Variants in NFIB observed in about 807,000 individuals in gnomAD.
NFIB encodes the protein nuclear factor 1 B-type.
NFIB carries 11 observed loss-of-function variants against 61.5 expected under a neutral mutation model. That is an observed-to-expected ratio of 0.18 (90% CI 0.11 to 0.30). The LOEUF (loss-of-function observed/expected upper bound fraction) is 0.30, where lower values mean the gene tolerates loss of function less well. Among genes scored for constraint, NFIB ranks in the 10% least tolerant of loss-of-function variants. The probability of loss-of-function intolerance (pLI) is 1.00; values close to 1 mark genes in which losing one functional copy is unlikely to be tolerated. For synonymous variants in NFIB, 260 were observed against 216.5 expected, an observed-to-expected ratio of 1.20 and a Z score of -1.76; for missense variants, 471 against 608.9, an observed-to-expected ratio of 0.77 and a Z score of 2.38.
the NFIB span, among the ~76,000 whole-genome samples, chr9:14,490,378 G>A: frequency 6.6e-6 from 1 of 152,134 alleles, no homozygotes; most frequent in Non-Finnish European, 1.5e-5. Flanking sequence ...GAAAATATGG[G>A]AAAATATCTT....
At chr9:14,297,183 T>C (rs2059494833) in intron 2 of NFIB, among the ~76,000 whole-genome samples, 1 of 152,244 alleles carries the variant, frequency 6.6e-6, no homozygotes, top group South Asian at 2.1e-4. Context: ...TCCTCTGGGC[T>C]GGCTGCTGTT....
the NFIB span, among the ~76,000 whole-genome samples, chr9:14,516,372 G>T: frequency 6.6e-6 from 1 of 152,168 alleles, no homozygotes; most frequent in Non-Finnish European, 1.5e-5. Context: ...AGATTCAGGA[G>T]TTTAATTCTG....
chr9:14,484,816 A>G, the NFIB span, among the ~76,000 whole-genome samples: 9 of 152,240 alleles, frequency 5.9e-5, no homozygotes, highest in Non-Finnish European at 1.0e-4. Flanking sequence ...AGGCTGTATT[A>G]GACAGCTCAA....
chr9:14,322,625 G>T (rs1034910050), intron 1 of NFIB, among the ~76,000 whole-genome samples: 1 of 151,988 alleles, frequency 6.6e-6, no homozygotes, highest in African/African-American at 2.4e-5. Flanking sequence ...CGGGAAGCGC[G>T]GCTCTTCGCT....
At chr9:14,459,926 T>C in the NFIB span, among the ~76,000 whole-genome samples, 3 of 151,912 alleles carry the variant, frequency 2.0e-5, no homozygotes, top group Non-Finnish European at 4.4e-5. Context: ...GGGGGGACTG[T>C]AGACTAGTTC....
At chr9:14,435,118 A>G in the NFIB span, among the ~76,000 whole-genome samples, 1 of 152,192 alleles carries the variant, frequency 6.6e-6, no homozygotes, top group African/African-American at 2.4e-5. Flanking sequence ...TCTTGCTTGG[A>G]GTTCCTGCTC....
the NFIB span, among the ~76,000 whole-genome samples, chr9:14,522,461 T>G: frequency 2.6e-5 from 4 of 152,182 alleles, no homozygotes; most frequent in Admixed American, 2.0e-4. Flanking sequence ...ATTTCTTCTA[T>G]GTATGGATAA....
At chr9:14,444,548 C>G in the NFIB span, among the ~76,000 whole-genome samples, 1 of 152,242 alleles carries the variant, frequency 6.6e-6, no homozygotes, top group South Asian at 2.1e-4. Flanking sequence ...GTTACTTATA[C>G]TCATGCCAGA....
the NFIB span, among the ~76,000 whole-genome samples, chr9:14,459,703 C>T: frequency 3.1e-4 from 47 of 152,172 alleles, 1 homozygote; most frequent in African/African-American, 1.0e-3. Flanking sequence ...AAAAAGCGGG[C>T]GAAGGATATG....
chr9:14,295,019 G>GT (rs553391752), intron 2 of NFIB, among the ~76,000 whole-genome samples: 21 of 152,180 alleles, frequency 1.4e-4, no homozygotes, highest in Non-Finnish European at 2.6e-4. Flanking sequence ...TCACAGTTTC[G>GT]TAAGAAGTAA....
chr9:14,447,042 A>G, the NFIB span, among the ~76,000 whole-genome samples: 1 of 152,178 alleles, frequency 6.6e-6, no homozygotes, highest in Non-Finnish European at 1.5e-5. Flanking sequence ...GAATAAACCA[A>G]CACAGAAATT....
chr9:14,103,103 A>C (rs1311827294), intron 10 of NFIB, among the ~76,000 whole-genome samples: 2 of 152,194 alleles, frequency 1.3e-5, no homozygotes, highest in African/African-American at 2.4e-5. Context: ...GTTTTATTTT[A>C]AACTCAGAGT....
the NFIB span, among the ~76,000 whole-genome samples, chr9:14,423,203 A>G: frequency 6.6e-6 from 1 of 152,232 alleles, no homozygotes; most frequent in South Asian, 2.1e-4. Context: ...TAGTAATCAG[A>G]TCGGGGCAAA....
At chr9:14,391,115 T>C (rs2061614257) in intron 1 of NFIB, among the ~76,000 whole-genome samples, 1 of 152,196 alleles carries the variant, frequency 6.6e-6, no homozygotes, top group African/African-American at 2.4e-5. Flanking sequence ...GCTTAGACAT[T>C]TTCTTTTAAA....
the NFIB span, among the ~76,000 whole-genome samples, chr9:14,432,410 T>A: frequency 6.6e-6 from 1 of 152,248 alleles, no homozygotes; most frequent in African/African-American, 2.4e-5. Context: ...CCTGGGTACA[T>A]GGTTCTCTCT....
At chr9:14,450,446 C>T in the NFIB span, among the ~76,000 whole-genome samples, 4,655 of 152,240 alleles carry the variant, frequency 0.031, 117 homozygotes, top group Non-Finnish European at 0.045. Flanking sequence ...AAGAACTTTC[C>T]CCAAGTCTAT....
intron 8 of NFIB, among the ~76,000 whole-genome samples, chr9:14,118,202 G>C (rs2038414533): frequency 6.6e-6 from 1 of 152,002 alleles, no homozygotes; most frequent in Non-Finnish European, 1.5e-5. Context: ...CTGAACACTG[G>C]AAATAAGTGC....
chr9:14,444,126 C>T, the NFIB span, among the ~76,000 whole-genome samples: 12 of 152,194 alleles, frequency 7.9e-5, no homozygotes, highest in African/African-American at 2.9e-4. Context: ...TTTGATGTGT[C>T]AGTTTGAGAT....
chr9:14,229,307 A>G (rs968236348), intron 2 of NFIB, among the ~76,000 whole-genome samples: 2 of 152,168 alleles, frequency 1.3e-5, no homozygotes, highest in African/African-American at 2.4e-5. Context: ...ATGCAACTCA[A>G]CCATCATACC....
Sources: gnomAD v4.1 joint callset for allele counts (sites outside exome capture counted in the v4.1 genomes callset) on GRCh38, gnomAD v4.1.1 for gene constraint, MANE v1.5 for transcripts, NCBI Gene and HGNC (gene_info 2026-07-23, HGNC 2026-07-21) for gene names.